BRINP1: variants seen among roughly 807,000 people sequenced by gnomAD.
BRINP1 encodes BMP/retinoic acid inducible neural specific 1.
Under a neutral mutation model 72.9 loss-of-function variants are expected in BRINP1, and 17 were observed. That is an observed-to-expected ratio of 0.23 (90% confidence interval 0.16 to 0.35). BRINP1 has a LOEUF of 0.35. BRINP1 is among the 10% of genes least tolerant of loss of function. The probability of loss-of-function intolerance (pLI) is 1.00; values close to 1 mark genes in which losing one functional copy is unlikely to be tolerated. For missense variants in BRINP1, 850 were observed against 1,001.6 expected, an observed-to-expected ratio of 0.85 and a Z score of 2.04; for synonymous variants, 418 against 378.5, an observed-to-expected ratio of 1.10 and a Z score of -1.21.
intron 7 of BRINP1, among the ~76,000 whole-genome samples, chr9:119,171,051 GA>G (rs1829403279): frequency 7.3e-6 from 1 of 136,368 alleles, no homozygotes; most frequent in African/African-American, 3.7e-5. Context: ...AGACCATCAA[GA>G]CTAGAAAGAA....
chr9:119,231,726 A>G (rs1365386863), intron 5 of BRINP1, among the ~76,000 whole-genome samples: 1 of 151,968 alleles, frequency 6.6e-6, no homozygotes, highest in East Asian at 1.9e-4. Flanking sequence ...AACTTTCCTT[A>G]TATAACATCC....
At chr9:119,210,778 A>G (rs1454234174) in intron 6 of BRINP1, among the ~76,000 whole-genome samples, 1 of 152,160 alleles carries the variant, frequency 6.6e-6, no homozygotes, top group East Asian at 1.9e-4. Flanking sequence ...CAGCTGTGGG[A>G]CCCTTATTCT....
intron 7 of BRINP1, among the ~76,000 whole-genome samples, chr9:119,183,906 C>A (rs373951178): frequency 6.6e-6 from 1 of 151,984 alleles, no homozygotes; most frequent in Non-Finnish European, 1.5e-5. Context: ...CTCACCCATG[C>A]GTGAGTTTGT....
chr9:119,181,756 A>G (rs1829560715), intron 7 of BRINP1, among the ~76,000 whole-genome samples: 1 of 152,220 alleles, frequency 6.6e-6, no homozygotes, highest in African/African-American at 2.4e-5. Context: ...AAGATACTTG[A>G]AGAAGAAAGA....
chr9:119,362,205 G>A (rs967402199), intron 1 of BRINP1, among the ~76,000 whole-genome samples: 1 of 152,152 alleles, frequency 6.6e-6, no homozygotes, highest in Non-Finnish European at 1.5e-5. Flanking sequence ...CAAGCCTGGA[G>A]AGATAAAGAT....
In BRINP1 at chr9:119,193,731, G is replaced by A. The variant is rs562724620; in HGVS notation, c.1145+14988C>T. 2.7e-3 allele frequency among the ~76,000 whole-genome samples: 413 copies of A among 152,208 alleles called. 1 individual carries two copies. Among genetic ancestry groups the A allele is most frequent in the Non-Finnish European group, 4.6e-3 (313 of 68,006 alleles). The stretch of plus-strand genomic sequence containing the variant: ...GCAAAAAAATTAATGTTTTACACTG[G>A]AAAAATGAACAAATGAAAAACCTAC... On this transcript the variant is annotated intron_variant, in intron 7 of 7. Transcript: ENST00000265922.
At chr9:119,299,687 T>C (rs1387629800) in intron 2 of BRINP1, among the ~76,000 whole-genome samples, 1 of 152,062 alleles carries the variant, frequency 6.6e-6, no homozygotes, top group Non-Finnish European at 1.5e-5. Flanking sequence ...CTTAACATAA[T>C]GTCCTCCAGG....
intron 1 of BRINP1, among the ~76,000 whole-genome samples, chr9:119,346,641 A>G (rs1831455730): frequency 6.6e-6 from 1 of 152,228 alleles, no homozygotes; most frequent in Non-Finnish European, 1.5e-5. Flanking sequence ...CAATTCCAAC[A>G]GGCAGAGATT....
chr9:119,295,122 A>G (rs1245447605), intron 2 of BRINP1, among the ~76,000 whole-genome samples: 1 of 152,090 alleles, frequency 6.6e-6, no homozygotes, highest in African/African-American at 2.4e-5. Context: ...GGCATGTATC[A>G]CTTAATGATA....
At position 119,167,756 on chromosome 9, in the gene BRINP1, G is replaced by T. The variant is rs745312796; in HGVS notation, c.1614C>A (p.Ile538=). ...LKSNKNRMDF[I]HMVIGMSMRI... is the part of the protein sequence containing the mutation. Reference sequence around the variant, plus strand: ...GCATGGACATGCCGATCACCATGTGGATGAAGTCCATGCGGTTCTTGTTGC... The same window carrying T: ...GCATGGACATGCCGATCACCATGTGTATGAAGTCCATGCGGTTCTTGTTGC... Residue 538 remains isoleucine, a synonymous_variant, in exon 8 of 8, where the codon ATC becomes ATA. Transcript: ENST00000265922. This position sits in a 1 kb window ranked among gnomAD's most constrained non-coding sequence, Gnocchi z 4.3. The T allele has an allele frequency of 1.9e-6, 3 of 1,614,180 alleles. No homozygotes were observed. The South Asian group carries it at 3.3e-5, about 18-fold the overall frequency.
intron 1 of BRINP1, among the ~76,000 whole-genome samples, chr9:119,321,665 A>C (rs562228921): frequency 6.6e-6 from 1 of 151,588 alleles, no homozygotes; most frequent in African/African-American, 2.4e-5. Context: ...TGTAGAGACT[A>C]ATTTTATTAT....
intron 1 of BRINP1, among the ~76,000 whole-genome samples, chr9:119,351,950 C>T (rs1330458568): frequency 1.3e-5 from 2 of 151,952 alleles, no homozygotes; most frequent in Non-Finnish European, 2.9e-5. Flanking sequence ...GGATTACAGG[C>T]ATCCACCACC....
intron 7 of BRINP1, among the ~76,000 whole-genome samples, chr9:119,170,588 C>A (rs1373769887): frequency 6.6e-6 from 1 of 151,634 alleles, no homozygotes; most frequent in Non-Finnish European, 1.5e-5. Context: ...CTTCCCCAAT[C>A]TAGCAAGGCA....
intron 1 of BRINP1, among the ~76,000 whole-genome samples, chr9:119,336,115 C>T (rs1454103370): frequency 6.6e-6 from 1 of 152,158 alleles, no homozygotes; most frequent in Non-Finnish European, 1.5e-5. Context: ...GAAAAGAAAA[C>T]CCCTCAGAAA....
chr9:119,357,801 A>G (rs1831584097), intron 1 of BRINP1, among the ~76,000 whole-genome samples: 2 of 152,194 alleles, frequency 1.3e-5, no homozygotes, highest in African/African-American at 4.8e-5. Flanking sequence ...GACAGACTTC[A>G]TTGCATGAAG....
intron 3 of BRINP1, among the ~76,000 whole-genome samples, chr9:119,243,230 G>C (rs1417177362): frequency 2.0e-5 from 3 of 152,020 alleles, no homozygotes; most frequent in Non-Finnish European, 4.4e-5. Context: ...CCTCTGACAG[G>C]ACCCAGTGTG....
intron 7 of BRINP1, among the ~76,000 whole-genome samples, chr9:119,190,081 A>AAAGAG (rs1165651605): frequency 6.6e-6 from 1 of 152,056 alleles, no homozygotes; most frequent in Non-Finnish European, 1.5e-5. Flanking sequence ...CCAATAGGTC[A>AAAGAG]AAGAAGAAAT....
At chr9:119,323,595 A>G (rs1277140528) in intron 1 of BRINP1, among the ~76,000 whole-genome samples, 1 of 152,252 alleles carries the variant, frequency 6.6e-6, no homozygotes, top group Non-Finnish European at 1.5e-5. Flanking sequence ...GAAATCCCAG[A>G]GAAAAAGGAA....
chr9:119,300,934 G>C (rs1003887824), intron 2 of BRINP1, among the ~76,000 whole-genome samples: 2 of 152,166 alleles, frequency 1.3e-5, no homozygotes, highest in Admixed American at 6.5e-5. Flanking sequence ...TGTACCACCA[G>C]CCATTCCTCA....
Sources: allele counts gnomAD v4.1 joint callset (sites outside exome capture counted in the v4.1 genomes callset), GRCh38; gene constraint gnomAD v4.1.1; non-coding constraint Gnocchi (gnomAD v3.1); transcripts MANE v1.5; gene names NCBI Gene and HGNC (gene_info 2026-07-23, HGNC 2026-07-21).